CLIP2: variants seen among roughly 807,000 people sequenced by gnomAD.
CLIP2 encodes CAP-Gly domain containing linker protein 2, also known as CAP-Gly domain-containing linker protein 2.
In CLIP2, 41 loss-of-function variants were observed where a neutral mutation model predicts 111.7. The ratio of observed to expected loss-of-function variants is 0.37; its 90% CI spans 0.29 to 0.48. The LOEUF (loss-of-function observed/expected upper bound fraction) is 0.48. Among genes scored for constraint, CLIP2 ranks in the 20% least tolerant of loss-of-function variants. The probability of loss-of-function intolerance (pLI) is 0.99; values close to 1 mark genes in which losing one functional copy is unlikely to be tolerated. For missense variants in CLIP2, 1,160 were observed against 1,422.1 expected (o/e 0.82, Z 2.96); for synonymous variants, 660 against 644.2 (o/e 1.02, Z -0.37).
intron 3 of CLIP2, among the ~76,000 whole-genome samples, chr7:74,348,093 T>C (rs1158059998): frequency 6.6e-6 from 1 of 151,476 alleles, no homozygotes; most frequent in East Asian, 1.9e-4. Context: ...GGCCGTAGAA[T>C]TGGGAGGCAG....
chr7:74,354,483 C>T (rs1790095260), intron 4 of CLIP2, among the ~76,000 whole-genome samples: 1 of 152,152 alleles, frequency 6.6e-6, no homozygotes, highest in South Asian at 2.1e-4. Context: ...GGCATGGTGA[C>T]ACACGCCTGT....
chr7:74,364,455 G>A, intron 8 of CLIP2, 140 bp downstream of exon 8: 1 of 709,784 alleles, frequency 1.4e-6, no homozygotes. Flanking sequence ...AAGGATCAAA[G>A]GTCTGATGTC....
At chr7:74,360,130 C>T (rs972964522) in intron 6 of CLIP2, 45 bp from the exon 7 acceptor site, 7 of 1,502,430 alleles carry the variant, frequency 4.7e-6, no homozygotes, top group African/African-American at 2.8e-5. Context: ...GGACCCCATA[C>T]CCCGGAGCAT....
In CLIP2 at chr7:74,322,271, G is replaced by A. The variant is rs373069425; in HGVS notation, c.121+4604G>A. ...CTGCTAAAGTGCTGGGAGTACAGGC[G>A]TGAGCCACTGTGACCGGCCTCCATT... On this transcript the variant is annotated intron_variant, in intron 2 of 16. Coordinates refer to ENST00000223398, the MANE Select transcript of CLIP2 (RefSeq NM_003388.5). 3.8e-3 allele frequency among the ~76,000 whole-genome samples: 571 copies of A among 151,578 alleles called. 5 individuals are homozygous for A. Among genetic ancestry groups the A allele is most frequent in the African/African-American group, 0.013 (547 of 41,350 alleles).
chr7:74,303,472 A>G (rs142634273), intron 1 of CLIP2, among the ~76,000 whole-genome samples: 3 of 151,466 alleles, frequency 2.0e-5, no homozygotes, highest in Non-Finnish European at 4.4e-5. Flanking sequence ...AGAAGGGCTC[A>G]CCATTGGCTC....
Position 74,376,970 on chromosome 7 carries a change from G to T in CLIP2, c.2421+148G>T. 1 of 787,850 alleles carries T rather than the reference G, an allele frequency of 1.3e-6. No individual in the cohort carries two copies. Among genetic ancestry groups the T allele is most frequent in the South Asian group, 1.9e-5 (1 of 53,706 alleles). 48.8% of individuals were successfully genotyped at this position (787,850 alleles called of 1,614,324 possible). ...GTCAAGGAAGGGGTCACCTGGCTTAGAGGAGGAGGAGCTCCTTGGCCCTCT... is the reference window on the plus strand; with the variant it reads ...GTCAAGGAAGGGGTCACCTGGCTTATAGGAGGAGGAGCTCCTTGGCCCTCT... On this transcript the variant is annotated intron_variant, in intron 10 of 16. Transcript: ENST00000223398. This position sits in a 1 kb window ranked among gnomAD's most constrained non-coding sequence, Gnocchi z 7.1.
rs146342255 is a variant in CLIP2 at position 74,401,531 on chromosome 7, C to T, written c.3093C>T (p.Asn1031=). ...AQTIGNSGSA[N]GIHQQDKAQK... ...CCATCGGCAATTCCGGTTCTGCAAA[C>T]GGCATCCACCAGCAGGACAAAGCTC... Residue 1031 remains asparagine (N), a synonymous_variant, in exon 16 of 17, where the codon AAC becomes AAT. Transcript: ENST00000223398. 21 of 1,614,138 alleles carry T rather than the reference C, an allele frequency of 1.3e-5. No homozygotes were observed. The highest frequency in any genetic ancestry group is 1.6e-4 in the Middle Eastern group (1 of 6,062).
chr7:74,366,354 C>T (rs1790469571), intron 8 of CLIP2, among the ~76,000 whole-genome samples: 1 of 152,144 alleles, frequency 6.6e-6, no homozygotes, highest in Non-Finnish European at 1.5e-5. Context: ...ACCCCTTGTC[C>T]ACACTCACCC....
At chr7:74,369,297 A>C (rs1790541799) in intron 8 of CLIP2, among the ~76,000 whole-genome samples, 1 of 152,160 alleles carries the variant, frequency 6.6e-6, no homozygotes, top group Non-Finnish European at 1.5e-5. Context: ...GTTGCAGTGA[A>C]ACAAGATCAC....
chr7:74,342,146 C>CA (rs1480363179), intron 3 of CLIP2, among the ~76,000 whole-genome samples: 3 of 151,772 alleles, frequency 2.0e-5, no homozygotes, highest in Non-Finnish European at 4.4e-5. Flanking sequence ...GAGGCTGAGG[C>CA]AGGTGGATCA....
intron 1 of CLIP2, among the ~76,000 whole-genome samples, chr7:74,301,047 A>T (rs563814013): frequency 3.7e-4 from 56 of 152,318 alleles, no homozygotes; most frequent in African/African-American, 1.3e-3. Flanking sequence ...CATTCTTACC[A>T]ACAGTGTATA....
At chr7:74,308,863 A>T (rs986409581) in intron 1 of CLIP2, among the ~76,000 whole-genome samples, 3 of 151,598 alleles carry the variant, frequency 2.0e-5, no homozygotes, top group African/African-American at 7.3e-5. Flanking sequence ...GGCCCTTTTT[A>T]AAAAATTTTT....
At chr7:74,365,276 G>C (rs1229514187) in intron 8 of CLIP2, among the ~76,000 whole-genome samples, 1 of 152,124 alleles carries the variant, frequency 6.6e-6, no homozygotes, top group Non-Finnish European at 1.5e-5. Context: ...GCCAGCTGCA[G>C]TCACCATGGG....
Position 74,338,395 on chromosome 7 carries a change from C to T in CLIP2, c.122-53C>T, listed in dbSNP as rs1789541009. The T allele has an allele frequency of 1.9e-6, 3 of 1,578,514 alleles. No homozygotes were observed. Among genetic ancestry groups the T allele is most frequent in the Admixed American group, 1.8e-5 (1 of 54,304 alleles). On this transcript the variant is annotated intron_variant, in intron 2 of 16. Transcript: ENST00000223398. The surrounding 1 kb of genome is among the most constrained non-coding windows in gnomAD (Gnocchi z 4.3). ...TAGACTCTGTGCTCCTGGGGCCACC[C>T]AGGGGCCAGCCCTAACAGCCACCTC...
chr7:74,389,906 A>G (rs1315152941), intron 13 of CLIP2, among the ~76,000 whole-genome samples: 1 of 131,286 alleles, frequency 7.6e-6, no homozygotes, highest in Admixed American at 8.4e-5. Context: ...TCTCAAAAAA[A>G]TAATAATAAT....
chr7:74,356,658 G>T (rs1790155954), intron 5 of CLIP2, 35 bp downstream of exon 5: 2 of 1,575,158 alleles, frequency 1.3e-6, no homozygotes, highest in African/African-American at 1.3e-5. Context: ...ATTCTCTGGT[G>T]TGCGTTTGGG....
At position 74,299,175 on chromosome 7, in the gene CLIP2, T is replaced by C. The variant is rs554989879; in HGVS notation, c.-68+9441T>C. On this transcript the variant is annotated intron_variant, in intron 1 of 16. Transcript: ENST00000223398. ...GGCAAAACCCTGTCTCTATAAAAAATACAAAAATTAGCCAGGTACAGTGTC... is the reference window on the plus strand; with the variant it reads ...GGCAAAACCCTGTCTCTATAAAAAACACAAAAATTAGCCAGGTACAGTGTC... Among the ~76,000 whole-genome samples, 12 of 151,870 alleles carry C rather than the reference T, an allele frequency of 7.9e-5. No individual in the cohort carries two copies. In the East Asian group the frequency reaches 1.9e-3, roughly 25 times the overall value.
At chr7:74,342,550 C>G (rs1019573326) in intron 3 of CLIP2, among the ~76,000 whole-genome samples, 1 of 152,138 alleles carries the variant, frequency 6.6e-6, no homozygotes, top group Non-Finnish European at 1.5e-5. Context: ...GAAGCTGCAG[C>G]TGTGTGACAG....
chr7:74,390,000 G>A (rs1311806681), intron 13 of CLIP2, among the ~76,000 whole-genome samples: 1 of 149,564 alleles, frequency 6.7e-6, no homozygotes, highest in Non-Finnish European at 1.5e-5. Context: ...GAGGCAGGAT[G>A]ATCTCTTGAG....
Sources: gnomAD v4.1 joint callset for allele counts (sites outside exome capture counted in the v4.1 genomes callset) on GRCh38, gnomAD v4.1.1 for gene constraint, Gnocchi (gnomAD v3.1) non-coding constraint, MANE v1.5 for transcripts, NCBI Gene and HGNC (gene_info 2026-07-23, HGNC 2026-07-21) for gene names.